The following PLPPR1 variants were observed in gnomAD, a reference collection of about 807,000 sequenced individuals.
The protein encoded by PLPPR1 is phospholipid phosphatase related 1.
Under a neutral mutation model 33.1 loss-of-function variants are expected in PLPPR1, and 10 were observed. The observed-to-expected ratio is 0.30, with a 90% confidence interval of 0.19 to 0.51. The LOEUF (loss-of-function observed/expected upper bound fraction) is 0.51, where lower values mean the gene tolerates loss of function less well. Ranked by LOEUF, PLPPR1 falls within the 20% of genes least tolerant of loss-of-function variation. The pLI is 0.97. For synonymous variants in PLPPR1, 151 were observed against 151.0 expected, an observed-to-expected ratio of 1.00 and a Z score of 0.00; for missense variants, 304 against 408.1, an observed-to-expected ratio of 0.74 and a Z score of 2.20.
At chr9:101,148,693 T>C (rs1173365737) in intron 1 of PLPPR1, among the ~76,000 whole-genome samples, 2 of 152,158 alleles carry the variant, frequency 1.3e-5, no homozygotes, top group Admixed American at 6.6e-5. Flanking sequence ...GTTCACTTGG[T>C]CACACCAATT....
chr9:101,116,650 T>TA (rs1831121575), intron 1 of PLPPR1, among the ~76,000 whole-genome samples: 1 of 151,900 alleles, frequency 6.6e-6, no homozygotes, highest in African/African-American at 2.4e-5. Flanking sequence ...CCATCTCTAC[T>TA]AAAAATACAA....
chr9:101,296,456 C>A (rs1828640979), intron 4 of PLPPR1, among the ~76,000 whole-genome samples: 1 of 151,608 alleles, frequency 6.6e-6, no homozygotes, highest in Admixed American at 6.6e-5. Context: ...TGGGTATATA[C>A]CCAAAGGACT....
At chr9:101,095,360 T>C (rs1337750392) in intron 1 of PLPPR1, among the ~76,000 whole-genome samples, 2 of 152,188 alleles carry the variant, frequency 1.3e-5, no homozygotes, top group Admixed American at 6.5e-5. Context: ...TGCTGGACTT[T>C]TGAGCATTGT....
chr9:101,115,813 G>A (rs949188283), intron 1 of PLPPR1, among the ~76,000 whole-genome samples: 3 of 152,010 alleles, frequency 2.0e-5, no homozygotes, highest in Admixed American at 6.6e-5. Flanking sequence ...TTAATGAAAG[G>A]GATTTCTTGC....
At chr9:101,197,751 G>T (rs531224645) in intron 2 of PLPPR1, among the ~76,000 whole-genome samples, 141 of 152,282 alleles carry the variant, frequency 9.3e-4, no homozygotes, top group Non-Finnish European at 1.6e-3. Context: ...AAATAACTAT[G>T]TTTAAAGACT....
rs564998007 is a variant in PLPPR1 at position 101,258,201 on chromosome 9, CAA to C, written c.64-11677_64-11676del. ...TTCTATTACACCATGACAGCCAGCT[CAA>C]ATGTCACTGCTGCCACATACTTCTC... On this transcript the variant is annotated intron_variant, in intron 2 of 7. Transcript: ENST00000374874. Among the ~76,000 whole-genome samples, 339 of 152,270 alleles carry C rather than the reference CAA, an allele frequency of 2.2e-3. 1 individual carries two copies. Among genetic ancestry groups the C allele is most frequent in the Non-Finnish European group, 3.3e-3 (225 of 68,008 alleles).
intron 1 of PLPPR1, among the ~76,000 whole-genome samples, chr9:101,158,413 G>C (rs1370606365): frequency 1.3e-5 from 2 of 152,154 alleles, no homozygotes; most frequent in Non-Finnish European, 2.9e-5. Context: ...GAAGAAGCTG[G>C]CTTTCATCTC....
chr9:101,231,174 A>G (rs1827176738), intron 2 of PLPPR1, among the ~76,000 whole-genome samples: 1 of 151,920 alleles, frequency 6.6e-6, no homozygotes. Context: ...TCTTCAGGAA[A>G]ACTTTCACTG....
chr9:101,300,058 A>G (rs117716596), intron 4 of PLPPR1, among the ~76,000 whole-genome samples: 3 of 150,176 alleles, frequency 2.0e-5, no homozygotes, highest in Non-Finnish European at 4.4e-5. Context: ...CTTGCATAAC[A>G]AAAATATTCA....
chr9:101,081,004 T>A (rs553864045), intron 1 of PLPPR1, among the ~76,000 whole-genome samples: 15 of 152,238 alleles, frequency 9.9e-5, no homozygotes, highest in African/African-American at 3.6e-4. Flanking sequence ...TAGAACAGAT[T>A]GTTTCTTGCC....
chr9:101,215,254 A>G (rs2118774458), intron 2 of PLPPR1, among the ~76,000 whole-genome samples: 1 of 152,228 alleles, frequency 6.6e-6, no homozygotes, highest in East Asian at 1.9e-4. Context: ...GGCAGGCAGC[A>G]ACATTGTGCT....
At chr9:101,055,296 T>G (rs1460589220) in intron 1 of PLPPR1, among the ~76,000 whole-genome samples, 1 of 152,226 alleles carries the variant, frequency 6.6e-6, no homozygotes, top group African/African-American at 2.4e-5. Context: ...GGAAGCATTC[T>G]TTTGATACCC....
chr9:101,052,787 T>C (rs371497594), intron 1 of PLPPR1, among the ~76,000 whole-genome samples: 2 of 152,208 alleles, frequency 1.3e-5, no homozygotes, highest in African/African-American at 4.8e-5. Flanking sequence ...TTCCACTTTT[T>C]AATCAGAGCT....
chr9:101,286,165 A>G lies in PLPPR1; in HGVS notation c.314A>G (p.Gln105Arg), dbSNP rs1333350599. 2.5e-6 allele frequency: 4 copies of G among 1,613,330 alleles called. No individual in the cohort carries two copies. The South Asian group carries it at 3.3e-5, about 13-fold the overall frequency. The stretch of plus-strand genomic sequence containing the variant: ...TCAACAAGAGAATCCCTGATTGCTC[A>G]GGAGAAAACAATTCTGACCGGAGAA... Reference protein sequence around the residue: ...IKSTRESLIAQEKTILTGECC... With the variant: ...IKSTRESLIAREKTILTGECC... The change falls in exon 4 of 8, where the codon CAG (glutamine) becomes CGG (arginine). Residue 105 changes from glutamine (Q) to arginine (R), a missense_variant. Coordinates refer to ENST00000374874, the MANE Select transcript of PLPPR1 (RefSeq NM_207299.2).
intron 2 of PLPPR1, among the ~76,000 whole-genome samples, chr9:101,239,859 A>C (rs1588090243): frequency 6.6e-6 from 1 of 151,874 alleles, no homozygotes; most frequent in Non-Finnish European, 1.5e-5. Context: ...CTTCCTTCAC[A>C]CTGTTGTTTC....
chr9:101,274,218 G>C (rs1477917449), intron 3 of PLPPR1, among the ~76,000 whole-genome samples: 1 of 152,106 alleles, frequency 6.6e-6, no homozygotes, highest in Admixed American at 6.5e-5. Flanking sequence ...CATAAATGAT[G>C]GTCACAAGAA....
At chr9:101,262,926 T>TA (rs1406306665) in intron 2 of PLPPR1, among the ~76,000 whole-genome samples, 1 of 152,074 alleles carries the variant, frequency 6.6e-6, no homozygotes, top group Non-Finnish European at 1.5e-5. Context: ...ACAATGCATA[T>TA]TCTCACTCAT....
At chr9:101,241,663 A>G (rs1057024367) in intron 2 of PLPPR1, among the ~76,000 whole-genome samples, 2 of 152,048 alleles carry the variant, frequency 1.3e-5, no homozygotes, top group African/African-American at 4.8e-5. Flanking sequence ...CCTTATCTGA[A>G]AAGAGCAAGC....
At chr9:101,141,994 T>C (rs1831457211) in intron 1 of PLPPR1, among the ~76,000 whole-genome samples, 1 of 152,188 alleles carries the variant, frequency 6.6e-6, no homozygotes, top group Admixed American at 6.5e-5. Flanking sequence ...CCCAATTGGT[T>C]CTCCCTGTTC....
Sources: gnomAD v4.1 joint callset for allele counts (sites outside exome capture counted in the v4.1 genomes callset) on GRCh38, gnomAD v4.1.1 for gene constraint, MANE v1.5 for transcripts, NCBI Gene and HGNC (gene_info 2026-07-23, HGNC 2026-07-21) for gene names.